The following ATXN7L1 variants were observed in gnomAD, a reference collection of about 807,000 sequenced individuals.
ATXN7L1 encodes ataxin-7-like protein 1.
Under a neutral mutation model 70.8 loss-of-function variants are expected in ATXN7L1, and 15 were observed. The ratio of observed to expected loss-of-function variants is 0.21; its 90% confidence interval spans 0.14 to 0.33. ATXN7L1 has a LOEUF of 0.33. Ranked by LOEUF, ATXN7L1 falls within the 10% of genes least tolerant of loss-of-function variation. The pLI is 1.00. For missense variants in ATXN7L1, 975 were observed against 1,097.1 expected, an observed-to-expected ratio of 0.89 and a Z score of 1.57; for synonymous variants, 440 against 445.1, an observed-to-expected ratio of 0.99 and a Z score of 0.14.
At chr7:105,727,011 C>T (rs562323227) in intron 3 of ATXN7L1, among the ~76,000 whole-genome samples, 1 of 152,212 alleles carries the variant, frequency 6.6e-6, no homozygotes, top group East Asian at 1.9e-4. Flanking sequence ...TCACTATTCT[C>T]TAGAAATAAA....
intron 3 of ATXN7L1, among the ~76,000 whole-genome samples, chr7:105,736,528 C>T (rs191452168): frequency 4.6e-5 from 7 of 152,260 alleles, no homozygotes; most frequent in African/African-American, 1.7e-4. Context: ...ACGTTTAAGG[C>T]TCTGATGGGA....
At chr7:105,864,152 C>G (rs1817035923) in intron 2 of ATXN7L1, among the ~76,000 whole-genome samples, 2 of 151,988 alleles carry the variant, frequency 1.3e-5, no homozygotes, top group Non-Finnish European at 2.9e-5. Context: ...ACCTGAGGAG[C>G]CTGTTTAAAA....
intron 1 of ATXN7L1, 65 bp downstream of exon 1, chr7:105,876,313 G>T (rs2116693230): frequency 2.0e-6 from 3 of 1,483,176 alleles, no homozygotes; most frequent in Non-Finnish European, 2.7e-6. Flanking sequence ...CTTTTTCCCA[G>T]TGGCTCTAGG....
In ATXN7L1 at chr7:105,819,424, C is replaced by T. The variant is rs376333458; in HGVS notation, c.251-30716G>A. The T allele has an allele frequency of 3.1e-4, 178 of 582,070 alleles. No homozygotes were observed. The African/African-American group carries it at 3.2e-3, about 10-fold the overall frequency. The allele number at this position is 582,070 out of a possible 1,614,324, so 36.1% of individuals were successfully genotyped here. On this transcript the variant is annotated intron_variant, in intron 2 of 11. Coordinates refer to ENST00000419735, the MANE Select transcript of ATXN7L1 (RefSeq NM_020725.2). ...TTTAAAATTAGAGCAAAGCAAAATG[C>T]ATTAACTTGTATTTGGGATTTAAAA...
At chr7:105,761,478 T>C in intron 3 of ATXN7L1, 6 of 1,614,036 alleles carry the variant, frequency 3.7e-6, no homozygotes, top group Non-Finnish European at 5.1e-6. Flanking sequence ...GGAAAGTAAA[T>C]GCTTTGTTGG....
At chr7:105,862,215 G>A (rs1428046802) in intron 2 of ATXN7L1, among the ~76,000 whole-genome samples, 1 of 152,056 alleles carries the variant, frequency 6.6e-6, no homozygotes, top group Non-Finnish European at 1.5e-5. Context: ...TGGGAGAATC[G>A]CTTGAGCCCA....
chr7:105,766,341 A>G (rs1271373602), intron 3 of ATXN7L1, among the ~76,000 whole-genome samples: 1 of 152,030 alleles, frequency 6.6e-6, no homozygotes, highest in African/African-American at 2.4e-5. Context: ...CACCTTTCCC[A>G]CTGACTTTCT....
chr7:105,698,453 C>T (rs952548951), intron 3 of ATXN7L1, among the ~76,000 whole-genome samples: 6 of 152,162 alleles, frequency 3.9e-5, no homozygotes, highest in African/African-American at 2.4e-5. Context: ...CAGCCTTGAC[C>T]TCCTGGGCTC....
intron 3 of ATXN7L1, among the ~76,000 whole-genome samples, chr7:105,762,080 G>A (rs1230786799): frequency 6.6e-6 from 1 of 152,200 alleles, no homozygotes; most frequent in East Asian, 1.9e-4. Flanking sequence ...CCCCATGGGA[G>A]GGACTCTGTG....
intron 3 of ATXN7L1, among the ~76,000 whole-genome samples, chr7:105,764,132 G>A (rs1800927720): frequency 1.3e-5 from 2 of 152,002 alleles, no homozygotes; most frequent in African/African-American, 4.8e-5. Context: ...GAGATTACAG[G>A]CATGAGCCAT....
chr7:105,808,174 G>T (rs1174289150), intron 2 of ATXN7L1, among the ~76,000 whole-genome samples: 1 of 152,240 alleles, frequency 6.6e-6, no homozygotes, highest in Non-Finnish European at 1.5e-5. Flanking sequence ...GGCAGCCCTG[G>T]TGGGTGCCAG....
chr7:105,736,955 G>C (rs1169517289), intron 3 of ATXN7L1, among the ~76,000 whole-genome samples: 1 of 152,146 alleles, frequency 6.6e-6, no homozygotes, highest in Non-Finnish European at 1.5e-5. Context: ...TTCATAAAAC[G>C]AATTGTGGGA....
rs188974639 is a variant in ATXN7L1, at chr7:105,729,664, A to C, written c.355+58940T>G. On this transcript the variant is annotated intron_variant, in intron 3 of 11. Transcript: ENST00000419735. ...AGGCTGGTCTGGAACTCTTGACCCCAGGTGATCCACCTGCCTTGGCCTCCC... is the reference window on the plus strand; with the variant it reads ...AGGCTGGTCTGGAACTCTTGACCCCCGGTGATCCACCTGCCTTGGCCTCCC... Among the ~76,000 whole-genome samples, 610 of 151,924 alleles carry C rather than the reference A, an allele frequency of 4.0e-3. 24 individuals are homozygous for C. The highest frequency in any genetic ancestry group is 0.035 in the Admixed American group (528 of 15,274).
chr7:105,692,398 CTTCCT>C (rs1348059224), intron 3 of ATXN7L1, among the ~76,000 whole-genome samples: 12 of 121,458 alleles, frequency 9.9e-5, no homozygotes, highest in Non-Finnish European at 2.0e-4. Context: ...TCCTTCCTTC[CTTCCT>C]TCCTTCCTTC....
In ATXN7L1 at chr7:105,876,360, A is replaced by G; in HGVS notation, c.181+18T>C. The G allele has an allele frequency of 6.3e-7, 1 of 1,581,212 alleles. No homozygotes were observed. The highest frequency in any genetic ancestry group is 8.6e-7 in the Non-Finnish European group (1 of 1,161,806). On this transcript the variant is annotated intron_variant, in intron 1 of 11. Transcript: ENST00000419735. ...GTTACAGGATAATAAAAGGAGGAGG[A>G]GGTGGTGGGGTTCTTACTGTCGGAG...
At chr7:105,703,301 G>A (rs1350805205) in intron 3 of ATXN7L1, among the ~76,000 whole-genome samples, 10 of 100,706 alleles carry the variant, frequency 9.9e-5, no homozygotes, top group South Asian at 3.6e-4. Context: ...GCGAAACTCC[G>A]TCTCAAAAAA....
intron 3 of ATXN7L1, chr7:105,691,683 AAGAG>A (rs369401233): frequency 1.3e-4 from 19 of 151,638 alleles, no homozygotes; most frequent in African/African-American, 2.7e-4. Context: ...GAAAAAAAAA[AAGAG>A]AGAGAGAGAG....
rs1286254981 is a variant in ATXN7L1, at chr7:105,669,514, T to C, written c.356-4226A>G. 3.9e-5 allele frequency among the ~76,000 whole-genome samples: 6 copies of C among 152,302 alleles called. No homozygotes were observed. In the East Asian group the frequency reaches 7.7e-4, roughly 20 times the overall value. On this transcript the variant is annotated intron_variant, in intron 3 of 11. Coordinates refer to ENST00000419735, the MANE Select transcript of ATXN7L1 (RefSeq NM_020725.2). ...ATGTGTGATTTTGTATTGTAATAAA[T>C]AGGCGAAAGCAGTATGTCCTACTTG...
At chr7:105,706,256 C>T (rs1793146579) in intron 3 of ATXN7L1, among the ~76,000 whole-genome samples, 1 of 149,946 alleles carries the variant, frequency 6.7e-6, no homozygotes, top group Non-Finnish European at 1.5e-5. Flanking sequence ...TGCAGTGGCA[C>T]TATCTCAGCC....
Sources: allele counts gnomAD v4.1 joint callset (sites outside exome capture counted in the v4.1 genomes callset), GRCh38; gene constraint gnomAD v4.1.1; transcripts MANE v1.5; gene names NCBI Gene and HGNC (gene_info 2026-07-23, HGNC 2026-07-21).